Variants in FAM227B observed in about 807,000 individuals in gnomAD.
FAM227B encodes the protein protein FAM227B.
In FAM227B, 88 loss-of-function variants were observed where a neutral mutation model predicts 73.8. The ratio of observed to expected loss-of-function variants is 1.19; its 90% CI spans 1.00 to 1.42. FAM227B has a LOEUF of 1.42. Ranked by LOEUF, FAM227B falls within the 40% of genes most tolerant of loss-of-function variation. The pLI, the probability that FAM227B is intolerant of heterozygous loss-of-function variation, is 0.00. For synonymous variants in FAM227B, 210 were observed against 190.5 expected, an observed-to-expected ratio of 1.10 and a Z score of -0.84; for missense variants, 632 against 590.9, an observed-to-expected ratio of 1.07 and a Z score of -0.72.
intron 11 of FAM227B, among the ~76,000 whole-genome samples, chr15:49,478,559 T>C (rs1281472796): frequency 6.6e-6 from 1 of 152,162 alleles, no homozygotes; most frequent in African/African-American, 2.4e-5. Flanking sequence ...GTTTTTTTCT[T>C]TGTTGATACT....
At chr15:49,336,303 G>C (rs867788494) in intron 13 of FAM227B, among the ~76,000 whole-genome samples, 2 of 152,240 alleles carry the variant, frequency 1.3e-5, no homozygotes, top group Non-Finnish European at 2.9e-5. Context: ...GGTGCAGTCT[G>C]TGGATATGTC....
chr15:49,365,115 C>A, intron 13 of FAM227B: 2 of 698,824 alleles, frequency 2.9e-6, no homozygotes, highest in South Asian at 3.4e-5. Context: ...AGCAGTTCCA[C>A]ATAATATTAT....
At chr15:49,423,828 C>G (rs1255438560) in intron 11 of FAM227B, among the ~76,000 whole-genome samples, 1 of 151,646 alleles carries the variant, frequency 6.6e-6, no homozygotes, top group Admixed American at 6.6e-5. Context: ...TCTGTTTTGT[C>G]TCTACTCATG....
At chr15:49,618,388 T>C (rs968571151) in intron 1 of FAM227B, among the ~76,000 whole-genome samples, 7 of 152,224 alleles carry the variant, frequency 4.6e-5, no homozygotes, top group African/African-American at 1.4e-4. Context: ...ATCTACTGGA[T>C]TAACTGATGT....
intron 10 of FAM227B, among the ~76,000 whole-genome samples, chr15:49,536,778 T>G (rs982748645): frequency 3.3e-5 from 5 of 151,954 alleles, no homozygotes; most frequent in Admixed American, 6.6e-5. Context: ...ATGTGGTGAA[T>G]TAATTTTTGA....
At chr15:49,483,603 C>T (rs1363548742) in intron 11 of FAM227B, among the ~76,000 whole-genome samples, 1 of 152,002 alleles carries the variant, frequency 6.6e-6, no homozygotes, top group African/African-American at 2.4e-5. Context: ...CCAATTTGCA[C>T]ATTGCTGACA....
intron 11 of FAM227B, among the ~76,000 whole-genome samples, chr15:49,459,800 T>C (rs372903922): frequency 6.6e-6 from 1 of 152,266 alleles, no homozygotes; most frequent in Non-Finnish European, 1.5e-5. Context: ...CCGGCTCCTG[T>C]GTGCATCTCT....
At chr15:49,481,060 TA>T (rs1237187171) in intron 11 of FAM227B, among the ~76,000 whole-genome samples, 2 of 152,138 alleles carry the variant, frequency 1.3e-5, no homozygotes, top group Non-Finnish European at 1.5e-5. Context: ...TCTTTTTATC[TA>T]AAAGAAAATA....
chr15:49,393,558 A>T (rs1400602063), intron 11 of FAM227B, among the ~76,000 whole-genome samples: 5 of 152,170 alleles, frequency 3.3e-5, no homozygotes, highest in Admixed American at 2.6e-4. Flanking sequence ...ATAAGTCCAT[A>T]TACCAAGATC....
At chr15:49,538,120 T>C (rs373361339) in intron 10 of FAM227B, among the ~76,000 whole-genome samples, 1 of 152,254 alleles carries the variant, frequency 6.6e-6, no homozygotes, top group East Asian at 1.9e-4. Flanking sequence ...TGTGGTGGCT[T>C]TCAGTGGATT....
intron 10 of FAM227B, among the ~76,000 whole-genome samples, chr15:49,524,023 T>TA (rs371349084): frequency 1.2e-4 from 18 of 150,986 alleles, no homozygotes; most frequent in African/African-American, 2.9e-4. Context: ...GCACAAAAGA[T>TA]AAAAAAAATT....
Position 49,508,898 on chromosome 15 carries a change from C to T in FAM227B, c.875-550G>A, listed in dbSNP as rs1428446165. Among the ~76,000 whole-genome samples the T allele has an allele frequency of 5.3e-5, 8 of 152,240 alleles. No individual in the cohort carries two copies. In the East Asian group the frequency reaches 7.7e-4, roughly 15 times the overall value. The stretch of plus-strand genomic sequence containing the variant: ...GTAAGGCCAACAGATCAGCAGATTG[C>T]GTTTATAAAGATGGTTTATTACTCA... On this transcript the variant is annotated intron_variant, in intron 10 of 15. Transcript: ENST00000299338.
At chr15:49,613,484 G>C (rs1252688899) in intron 2 of FAM227B, among the ~76,000 whole-genome samples, 1 of 152,216 alleles carries the variant, frequency 6.6e-6, no homozygotes, top group Admixed American at 6.5e-5. Flanking sequence ...CTGGGTGACA[G>C]AGCGAGACTC....
At chr15:49,349,932 A>G (rs2042013699) in intron 13 of FAM227B, among the ~76,000 whole-genome samples, 1 of 152,174 alleles carries the variant, frequency 6.6e-6, no homozygotes. Context: ...AAACAAAATG[A>G]GAGGGAGAAT....
chr15:49,358,056 A>C (rs1052472474), intron 13 of FAM227B, among the ~76,000 whole-genome samples: 2 of 152,232 alleles, frequency 1.3e-5, no homozygotes, highest in East Asian at 1.9e-4. Context: ...GCTAAAAGCT[A>C]TCAATAAATT....
intron 11 of FAM227B, chr15:49,422,599 C>T (rs1378490722): frequency 1.6e-6 from 2 of 1,216,640 alleles, no homozygotes; most frequent in Non-Finnish European, 2.3e-6. Context: ...TAGACCAATA[C>T]ACCAATTTTA....
At chr15:49,353,241 G>C (rs2042512416) in intron 13 of FAM227B, among the ~76,000 whole-genome samples, 1 of 152,096 alleles carries the variant, frequency 6.6e-6, no homozygotes, top group Non-Finnish European at 1.5e-5. Flanking sequence ...TCAAATTTGG[G>C]CTCAAATTAG....
intron 13 of FAM227B, among the ~76,000 whole-genome samples, chr15:49,337,563 A>G (rs1402077813): frequency 7.9e-6 from 1 of 127,270 alleles, no homozygotes; most frequent in Non-Finnish European, 1.5e-5. Context: ...TCTGGGATAC[A>G]TGTGCAGAAC....
intron 10 of FAM227B, among the ~76,000 whole-genome samples, chr15:49,524,324 A>AT (rs2059997505): frequency 6.7e-6 from 1 of 150,294 alleles, no homozygotes; most frequent in East Asian, 2.0e-4. Flanking sequence ...AAGGGGCTCG[A>AT]GTGGTTTGTT....
Sources: gnomAD v4.1 joint callset for allele counts (sites outside exome capture counted in the v4.1 genomes callset) on GRCh38, gnomAD v4.1.1 for gene constraint, MANE v1.5 for transcripts, NCBI Gene and HGNC (gene_info 2026-07-23, HGNC 2026-07-21) for gene names.